RXRG: variants seen among roughly 807,000 people sequenced by gnomAD.
RXRG encodes retinoic acid receptor RXR-gamma.
RXRG carries 19 observed loss-of-function variants against 49.2 expected under a neutral mutation model. The ratio of observed to expected loss-of-function variants is 0.39; its 90% confidence interval spans 0.27 to 0.57. The LOEUF is 0.57. Ranked by LOEUF, RXRG falls within the 20% of genes least tolerant of loss-of-function variation. The pLI is 0.64. For synonymous variants in RXRG, 224 were observed against 216.6 expected, an observed-to-expected ratio of 1.03 and a Z score of -0.30; for missense variants, 452 against 592.5, an observed-to-expected ratio of 0.76 and a Z score of 2.46.
At chr1:165,427,627 A>G (rs1009448442) in intron 2 of RXRG, among the ~76,000 whole-genome samples, 6 of 152,112 alleles carry the variant, frequency 3.9e-5, no homozygotes, top group Non-Finnish European at 7.4e-5. Flanking sequence ...TATTTTTAGT[A>G]GAGACGGGGT....
intron 3 of RXRG, among the ~76,000 whole-genome samples, chr1:165,417,879 G>T (rs1021494328): frequency 2.0e-5 from 3 of 152,066 alleles, no homozygotes; most frequent in African/African-American, 7.2e-5. Context: ...GAGGTGGGAA[G>T]ATCACTTGAG....
chr1:165,404,629 G>C (rs370081879), intron 9 of RXRG, among the ~76,000 whole-genome samples: 3 of 152,050 alleles, frequency 2.0e-5, no homozygotes, highest in African/African-American at 7.2e-5. Context: ...ATCTAGAAAT[G>C]CATACATGAC....
intron 2 of RXRG, among the ~76,000 whole-genome samples, chr1:165,422,751 A>G (rs957806447): frequency 1.3e-5 from 2 of 152,252 alleles, no homozygotes; most frequent in Admixed American, 6.5e-5. Context: ...AAACCATTTC[A>G]GTAATACAGT....
intron 2 of RXRG, chr1:165,424,764 C>A (rs1361985820): frequency 2.0e-6 from 2 of 985,366 alleles, no homozygotes; most frequent in Non-Finnish European, 2.4e-6. Context: ...AGAACCAGGT[C>A]ACAGAATGAA....
At chr1:165,408,165 C>T in intron 8 of RXRG, 62 bp downstream of exon 8, 1 of 1,252,048 alleles carries the variant, frequency 8.0e-7, no homozygotes, top group African/African-American at 1.5e-5. Context: ...CATGGGAGCA[C>T]TGGAGGTTGA....
chr1:165,409,803 T>C, intron 6 of RXRG, 113 bp from the exon 7 acceptor site: 3 of 1,017,364 alleles, frequency 2.9e-6, no homozygotes, highest in Non-Finnish European at 3.9e-6. Context: ...ATTGACAATC[T>C]AGGGAGGTTA....
At chr1:165,427,788 G>A (rs12072131) in intron 2 of RXRG, among the ~76,000 whole-genome samples, 16,186 of 152,142 alleles carry the variant, frequency 0.11, 1,150 homozygotes, top group African/African-American at 0.2. Context: ...CAGTGGGCAC[G>A]ATTTGAGCAG....
chr1:165,415,490 T>A (rs1051067475), intron 4 of RXRG, among the ~76,000 whole-genome samples: 9 of 152,146 alleles, frequency 5.9e-5, no homozygotes, highest in African/African-American at 2.2e-4. Context: ...AGGACAAAGA[T>A]GGAAGCAGGG....
chr1:165,412,772 T>C (rs1657997516), intron 4 of RXRG, among the ~76,000 whole-genome samples: 1 of 152,242 alleles, frequency 6.6e-6, no homozygotes, highest in South Asian at 2.1e-4. Flanking sequence ...GTTTTCTTCC[T>C]CCTTCTGTCT....
chr1:165,422,107 G>A (rs59737404), intron 2 of RXRG, among the ~76,000 whole-genome samples: 2 of 152,096 alleles, frequency 1.3e-5, no homozygotes, highest in Non-Finnish European at 2.9e-5. Context: ...GAGGTTCAAG[G>A]GGTCCTCACC....
At chr1:165,422,766 G>A (rs560197021) in intron 2 of RXRG, among the ~76,000 whole-genome samples, 1 of 152,340 alleles carries the variant, frequency 6.6e-6, no homozygotes, top group South Asian at 2.1e-4. Context: ...TACAGTGAAT[G>A]AGGTACAGCA....
intron 1 of RXRG, among the ~76,000 whole-genome samples, chr1:165,439,911 G>C (rs1449674236): frequency 1.3e-5 from 2 of 152,184 alleles, no homozygotes; most frequent in African/African-American, 4.8e-5. Flanking sequence ...ATGCATATTA[G>C]CTAATCCCTG....
At chr1:165,440,104 G>A (rs972327000) in intron 1 of RXRG, among the ~76,000 whole-genome samples, 3 of 152,186 alleles carry the variant, frequency 2.0e-5, no homozygotes, top group Non-Finnish European at 2.9e-5. Flanking sequence ...GAATTGGGAA[G>A]GGGCAGGAAG....
chr1:165,408,366 C>G (rs116521297), intron 7 of RXRG, 48 bp from the exon 8 acceptor site: 1 of 1,380,616 alleles, frequency 7.2e-7, no homozygotes, highest in African/African-American at 1.4e-5. Flanking sequence ...AAGTAACAGG[C>G]CAAGAGCCAA....
intron 1 of RXRG, among the ~76,000 whole-genome samples, chr1:165,439,242 C>T: frequency 7.8e-6 from 1 of 127,684 alleles, no homozygotes; most frequent in Non-Finnish European, 1.6e-5. Flanking sequence ...CTACCTCCAT[C>T]ATTACAGATT....
intron 1 of RXRG, among the ~76,000 whole-genome samples, chr1:165,442,060 A>C (rs1180842714): frequency 6.6e-6 from 1 of 152,210 alleles, no homozygotes; most frequent in Non-Finnish European, 1.5e-5. Context: ...ATTCTTATAC[A>C]AATCATGGGG....
intron 7 of RXRG, 78 bp from the exon 8 acceptor site, chr1:165,408,396 AT>A: frequency 9.9e-7 from 1 of 1,007,824 alleles, no homozygotes; most frequent in Non-Finnish European, 1.6e-6. Context: ...TTCAACCAAA[AT>A]TTTTATAAGC....
At chr1:165,427,402 A>ATGTTT (rs67818708) in intron 2 of RXRG, among the ~76,000 whole-genome samples, 4,670 of 149,578 alleles carry the variant, frequency 0.031, 100 homozygotes, top group South Asian at 0.097. Flanking sequence ...AATCTGTCAT[A>ATGTTT]TGTTTTGTTT....
At position 165,428,608 on chromosome 1, in the gene RXRG, C is replaced by T; in HGVS notation, c.297+111G>A. 4 of 1,313,366 alleles carry T rather than the reference C, an allele frequency of 3.0e-6. No homozygotes were observed. In the South Asian group the frequency reaches 5.8e-5, roughly 19 times the overall value. The allele number at this position is 1,313,366 out of a possible 1,614,324, so 81.4% of individuals were successfully genotyped here. ...GACGTCTGCAGAGACCATTCAAACC[C>T]TTTGGCAAGCACGCATTATGGACCT... On this transcript the variant is annotated intron_variant, in intron 2 of 9. Coordinates refer to ENST00000359842, the MANE Select transcript of RXRG (RefSeq NM_006917.5).
Sources: allele counts gnomAD v4.1 joint callset (sites outside exome capture counted in the v4.1 genomes callset), GRCh38; gene constraint gnomAD v4.1.1; transcripts MANE v1.5; gene names NCBI Gene and HGNC (gene_info 2026-07-23, HGNC 2026-07-21).